Variants in TACR3 observed in about 807,000 individuals in gnomAD.
The protein encoded by TACR3 is neuromedin-K receptor.
In TACR3, 34 loss-of-function variants were observed where a neutral mutation model predicts 35.0. The ratio of observed to expected loss-of-function variants is 0.97; its 90% CI spans 0.74 to 1.30. TACR3 has a LOEUF of 1.30. Among genes scored for constraint, TACR3 ranks in the 50% most tolerant of loss-of-function variants. The pLI is 0.00. For missense variants in TACR3, 558 were observed against 591.7 expected (o/e 0.94, Z 0.59); for synonymous variants, 233 against 221.1 (o/e 1.05, Z -0.48).
intron 1 of TACR3, among the ~76,000 whole-genome samples, chr4:103,716,494 T>G (rs1486395397): frequency 6.6e-6 from 1 of 152,148 alleles, no homozygotes; most frequent in Non-Finnish European, 1.5e-5. Context: ...AGTAAGTAAT[T>G]TTTCCAGTAC....
At chr4:103,640,665 T>G (rs1441983994) in intron 3 of TACR3, among the ~76,000 whole-genome samples, 1 of 151,996 alleles carries the variant, frequency 6.6e-6, no homozygotes, top group Non-Finnish European at 1.5e-5. Flanking sequence ...GCCCACAGGC[T>G]GCATGTGGCC....
intron 3 of TACR3, among the ~76,000 whole-genome samples, chr4:103,622,517 G>T (rs1291016326): frequency 6.6e-6 from 1 of 152,072 alleles, no homozygotes; most frequent in East Asian, 1.9e-4. Flanking sequence ...GGATCACAAG[G>T]TCAGGAGATC....
At chr4:103,674,428 G>A (rs948444157) in intron 1 of TACR3, among the ~76,000 whole-genome samples, 1 of 151,998 alleles carries the variant, frequency 6.6e-6, no homozygotes, top group African/African-American at 2.4e-5. Flanking sequence ...ATGGAAGTAG[G>A]CTCCCTCACA....
intron 1 of TACR3, among the ~76,000 whole-genome samples, chr4:103,712,510 C>G (rs1333361752): frequency 6.6e-6 from 1 of 152,196 alleles, no homozygotes. Context: ...AGACCTAAAA[C>G]CACAAAAGCC....
At chr4:103,683,036 GA>G (rs1722135807) in intron 1 of TACR3, among the ~76,000 whole-genome samples, 1 of 152,116 alleles carries the variant, frequency 6.6e-6, no homozygotes, top group African/African-American at 2.4e-5. Context: ...TACTCAATGG[GA>G]GGCTAATATA....
intron 3 of TACR3, among the ~76,000 whole-genome samples, chr4:103,624,976 AG>A (rs1724858703): frequency 6.6e-6 from 1 of 152,092 alleles, no homozygotes; most frequent in Admixed American, 6.6e-5. Flanking sequence ...GGGAGCAGCA[AG>A]ACAGGGAAAG....
intron 1 of TACR3, among the ~76,000 whole-genome samples, chr4:103,673,076 G>A (rs1383213376): frequency 2.6e-5 from 4 of 152,112 alleles, no homozygotes; most frequent in South Asian, 2.1e-4. Flanking sequence ...TCCTTGACAC[G>A]TATTAGGCTT....
chr4:103,642,212 TTA>T (rs1411172248), intron 3 of TACR3, among the ~76,000 whole-genome samples: 59 of 150,206 alleles, frequency 3.9e-4, no homozygotes, highest in East Asian at 1.2e-3. Context: ...ATATACATAT[TTA>T]TATATATATA....
At chr4:103,672,089 T>G (rs1280590609) in intron 1 of TACR3, among the ~76,000 whole-genome samples, 1 of 152,156 alleles carries the variant, frequency 6.6e-6, no homozygotes, top group Non-Finnish European at 1.5e-5. Flanking sequence ...TGTTCATGCA[T>G]AAGAAGCAGC....
intron 1 of TACR3, among the ~76,000 whole-genome samples, chr4:103,707,290 A>T (rs1722816836): frequency 1.3e-5 from 2 of 150,032 alleles, no homozygotes; most frequent in African/African-American, 4.9e-5. Context: ...ATAATTATCA[A>T]GAGACTCAGA....
chr4:103,648,472 A>T (rs999718572), intron 3 of TACR3, among the ~76,000 whole-genome samples: 1 of 150,610 alleles, frequency 6.6e-6, no homozygotes, highest in African/African-American at 2.4e-5. Context: ...CCTTCCTTCT[A>T]CTCTCTATCT....
intron 1 of TACR3, among the ~76,000 whole-genome samples, chr4:103,702,108 T>G (rs374438178): frequency 2.6e-5 from 4 of 152,136 alleles, no homozygotes; most frequent in East Asian, 1.9e-4. Flanking sequence ...TCAGAGTGAA[T>G]AGGCAACCTA....
intron 3 of TACR3, among the ~76,000 whole-genome samples, chr4:103,653,301 TAG>T (rs910275940): frequency 6.6e-6 from 1 of 151,802 alleles, no homozygotes; most frequent in African/African-American, 2.4e-5. Flanking sequence ...ACCATTTATT[TAG>T]AGACAAAATT....
chr4:103,684,696 G>T (rs1199401972), intron 1 of TACR3, among the ~76,000 whole-genome samples: 1 of 151,900 alleles, frequency 6.6e-6, no homozygotes. Flanking sequence ...ATACATAAAA[G>T]CTCGTTCTAA....
At position 103,691,743 on chromosome 4, in the gene TACR3, C is replaced by T. The variant is rs541419387; in HGVS notation, c.548+27385G>A. On this transcript the variant is annotated intron_variant, in intron 1 of 4. Coordinates refer to ENST00000304883, the MANE Select transcript of TACR3 (RefSeq NM_001059.3). ...CACCCGGCCTGCCCAGGGCGGAAAA[C>T]TGCTTAAAGGCATTCTTAAGCCACA... Among the ~76,000 whole-genome samples, 1,232 of 152,294 alleles carry T rather than the reference C, an allele frequency of 8.1e-3. 18 individuals are homozygous for T. Among genetic ancestry groups the T allele is most frequent in the African/African-American group, 0.028 (1,179 of 41,570 alleles).
intron 3 of TACR3, among the ~76,000 whole-genome samples, chr4:103,600,961 A>G (rs1168330819): frequency 6.6e-6 from 1 of 152,110 alleles, no homozygotes; most frequent in Non-Finnish European, 1.5e-5. Flanking sequence ...AGATTTCTGT[A>G]GGTGTCTATC....
intron 1 of TACR3, among the ~76,000 whole-genome samples, chr4:103,666,739 G>C (rs1351624): frequency 6.6e-6 from 1 of 151,838 alleles, no homozygotes; most frequent in African/African-American, 2.4e-5. Context: ...TATAAAACTT[G>C]CTAAATTTTT....
chr4:103,653,586 TAAAAACCCTAGAA>T (rs1452088732), intron 3 of TACR3, among the ~76,000 whole-genome samples: 1 of 152,020 alleles, frequency 6.6e-6, no homozygotes. Context: ...CTTAAAACCA[TAAAAACCCTAGAA>T]GAAAACCTAG....
intron 3 of TACR3, among the ~76,000 whole-genome samples, chr4:103,599,951 A>C (rs1384815580): frequency 3.3e-5 from 5 of 152,168 alleles, no homozygotes; most frequent in African/African-American, 1.2e-4. Flanking sequence ...CTTTGGTATC[A>C]GGATGATGCT....
Sources: gnomAD v4.1 joint callset for allele counts (sites outside exome capture counted in the v4.1 genomes callset) on GRCh38, gnomAD v4.1.1 for gene constraint, MANE v1.5 for transcripts, NCBI Gene and HGNC (gene_info 2026-07-23, HGNC 2026-07-21) for gene names.